The following UNC13C variants were observed in gnomAD, a reference collection of about 807,000 sequenced individuals.
UNC13C encodes the protein protein unc-13 homolog C.
UNC13C carries 174 observed loss-of-function variants against 245.4 expected under a neutral mutation model. The ratio of observed to expected loss-of-function variants is 0.71; its 90% CI spans 0.63 to 0.80. UNC13C has a LOEUF of 0.80. UNC13C is among the 30% of genes least tolerant of loss of function. UNC13C has a pLI of 0.00. For missense variants in UNC13C, 2,829 were observed against 2,602.9 expected, an observed-to-expected ratio of 1.09 and a Z score of -1.89; for synonymous variants, 992 against 895.1, an observed-to-expected ratio of 1.11 and a Z score of -1.93.
At chr15:54,603,911 C>T (rs1449860918) in intron 30 of UNC13C, among the ~76,000 whole-genome samples, 1 of 152,152 alleles carries the variant, frequency 6.6e-6, no homozygotes, top group African/African-American at 2.4e-5. Flanking sequence ...CACCTGAGCA[C>T]GGCTTTTCTT....
rs117892368 is a variant in UNC13C at position 54,546,570 on chromosome 15, T to A, written c.5697-152T>A. Among the ~76,000 whole-genome samples the A allele has an allele frequency of 1.1e-4, 17 of 152,330 alleles. No individual in the cohort carries two copies. In the East Asian group the frequency reaches 3.3e-3, roughly 29 times the overall value. ...TTTCCATCAAATATAGAGAATTATC[T>A]AATGTACAGAATCATGAAATAGTTT... On this transcript the variant is annotated intron_variant, in intron 26 of 32. Coordinates refer to ENST00000260323, the MANE Select transcript of UNC13C (RefSeq NM_001080534.3).
At chr15:54,375,192 A>T (rs1013605548) in intron 17 of UNC13C, among the ~76,000 whole-genome samples, 1 of 152,224 alleles carries the variant, frequency 6.6e-6, no homozygotes, top group African/African-American at 2.4e-5. Context: ...TTTTCCACAT[A>T]GTTACAGAGT....
chr15:54,111,227 T>C (rs762862894), intron 2 of UNC13C, among the ~76,000 whole-genome samples: 7 of 152,202 alleles, frequency 4.6e-5, no homozygotes, highest in Admixed American at 2.0e-4. Context: ...ATGTCTTCCT[T>C]AGTGGCTTCC....
intron 17 of UNC13C, among the ~76,000 whole-genome samples, chr15:54,358,967 T>C (rs995049652): frequency 3.3e-5 from 5 of 152,076 alleles, no homozygotes; most frequent in African/African-American, 1.2e-4. Flanking sequence ...ATATGGCCTT[T>C]ATTGTGTTGA....
In UNC13C at chr15:54,551,194, G is replaced by A. The variant is rs553244399; in HGVS notation, c.5877+1503G>A. On this transcript the variant is annotated intron_variant, in intron 28 of 32. Coordinates refer to ENST00000260323, the MANE Select transcript of UNC13C (RefSeq NM_001080534.3). Reference sequence around the variant, plus strand: ...CTCTGCCCTTCTCCTTGTTTGATACGTTGCCATAACAGACCTTCATTTCTG... The same window carrying A: ...CTCTGCCCTTCTCCTTGTTTGATACATTGCCATAACAGACCTTCATTTCTG... Among the ~76,000 whole-genome samples, 16 of 152,110 alleles carry A rather than the reference G, an allele frequency of 1.1e-4. No individual in the cohort carries two copies. The East Asian group carries it at 1.5e-3, about 15-fold the overall frequency.
At chr15:54,172,393 C>T (rs1451930017) in intron 4 of UNC13C, among the ~76,000 whole-genome samples, 1 of 151,796 alleles carries the variant, frequency 6.6e-6, no homozygotes, top group Non-Finnish European at 1.5e-5. Flanking sequence ...CTACTAGGTA[C>T]ACACAATTTT....
At chr15:53,878,252 C>T in the UNC13C span, among the ~76,000 whole-genome samples, 1 of 152,146 alleles carries the variant, frequency 6.6e-6, no homozygotes, top group Non-Finnish European at 1.5e-5. Context: ...ATCACCTCCT[C>T]ACCGCCAAAC....
chr15:54,024,198 G>T (rs1157229266), intron 2 of UNC13C, among the ~76,000 whole-genome samples: 1 of 152,150 alleles, frequency 6.6e-6, no homozygotes, highest in East Asian at 1.9e-4. Flanking sequence ...GAGAGTACAC[G>T]TCAGACCACA....
intron 4 of UNC13C, among the ~76,000 whole-genome samples, chr15:54,196,721 A>G (rs1400655422): frequency 6.6e-6 from 1 of 152,182 alleles, no homozygotes; most frequent in Admixed American, 6.6e-5. Flanking sequence ...TAAAGGAGAA[A>G]AATTATGTGA....
intron 26 of UNC13C, among the ~76,000 whole-genome samples, chr15:54,544,226 C>G (rs1315852549): frequency 6.6e-6 from 1 of 152,084 alleles, no homozygotes; most frequent in Non-Finnish European, 1.5e-5. Flanking sequence ...CAGAAAAGGC[C>G]TTTGATAAAA....
At chr15:53,864,234 C>A in the UNC13C span, among the ~76,000 whole-genome samples, 1 of 152,102 alleles carries the variant, frequency 6.6e-6, no homozygotes, top group South Asian at 2.1e-4. Flanking sequence ...TGAAAACTGA[C>A]TGAAAATATG....
At chr15:54,079,749 C>A (rs1898835186) in intron 2 of UNC13C, among the ~76,000 whole-genome samples, 1 of 151,970 alleles carries the variant, frequency 6.6e-6, no homozygotes, top group African/African-American at 2.4e-5. Context: ...ATCATGTCAT[C>A]AGTAAATAGA....
chr15:54,552,626 T>C (rs1222068256), intron 28 of UNC13C, among the ~76,000 whole-genome samples: 1 of 82,248 alleles, frequency 1.2e-5, no homozygotes, highest in Non-Finnish European at 2.0e-5. Context: ...TTATATTATA[T>C]ATTGTACAAT....
chr15:53,915,086 A>G, the UNC13C span, among the ~76,000 whole-genome samples: 1 of 152,284 alleles, frequency 6.6e-6, no homozygotes, highest in Non-Finnish European at 1.5e-5. Flanking sequence ...CTTTCCTCAC[A>G]GGAGGGAGGG....
At chr15:54,177,034 G>A (rs1215338510) in intron 4 of UNC13C, among the ~76,000 whole-genome samples, 1 of 151,988 alleles carries the variant, frequency 6.6e-6, no homozygotes, top group Admixed American at 6.5e-5. Flanking sequence ...CCTCCCAAAT[G>A]AATACTTTTC....
chr15:53,898,048 A>T, the UNC13C span, among the ~76,000 whole-genome samples: 5 of 152,154 alleles, frequency 3.3e-5, no homozygotes, highest in African/African-American at 1.2e-4. Context: ...GCTCTATACA[A>T]ATGTTCTCTT....
At chr15:54,103,032 T>C (rs1311108508) in intron 2 of UNC13C, among the ~76,000 whole-genome samples, 1 of 152,208 alleles carries the variant, frequency 6.6e-6, no homozygotes, top group Non-Finnish European at 1.5e-5. Flanking sequence ...GTAGATTTTG[T>C]CCTCTGTGAC....
At position 54,546,743 on chromosome 15, in the gene UNC13C, C is replaced by T; in HGVS notation, c.5718C>T (p.Ile1906=). The T allele has an allele frequency of 2.0e-6, 3 of 1,508,452 alleles. No homozygotes were observed. Among genetic ancestry groups the T allele is most frequent in the Non-Finnish European group, 2.7e-6 (3 of 1,128,310 alleles). 93.4% of individuals were successfully genotyped at this position (1,508,452 alleles called of 1,614,324 possible). ...LDKTLSLSAK[I]CEKTVLKRVL... Reference sequence around the variant, plus strand: ...TCAGATTAAGTCTCTCAGCAAAAATCTGTGAGAAAACAGTCCTAAAGCGAG... The same window carrying T: ...TCAGATTAAGTCTCTCAGCAAAAATTTGTGAGAAAACAGTCCTAAAGCGAG... The change falls in exon 27 of 33, where the codon ATC becomes ATT. Residue 1906 remains isoleucine, a synonymous_variant. Coordinates refer to ENST00000260323, the MANE Select transcript of UNC13C (RefSeq NM_001080534.3).
At chr15:54,490,938 T>C (rs1893673024) in intron 19 of UNC13C, among the ~76,000 whole-genome samples, 1 of 152,186 alleles carries the variant, frequency 6.6e-6, no homozygotes, top group Admixed American at 6.5e-5. Context: ...AAGCACAAAG[T>C]ACAGCTAAAT....
Sources: allele counts gnomAD v4.1 joint callset (sites outside exome capture counted in the v4.1 genomes callset), GRCh38; gene constraint gnomAD v4.1.1; transcripts MANE v1.5; gene names NCBI Gene and HGNC (gene_info 2026-07-23, HGNC 2026-07-21).